Variants in MROH9 observed in about 807,000 individuals in gnomAD.
MROH9 encodes the protein maestro heat like repeat family member 9, also known as maestro heat-like repeat-containing protein family member 9.
Under a neutral mutation model 98.2 loss-of-function variants are expected in MROH9, and 92 were observed. That is an observed-to-expected ratio of 0.94 (90% confidence interval 0.79 to 1.11). The LOEUF is 1.11. MROH9 is among the 50% of genes most tolerant of loss of function. MROH9 has a pLI of 0.00. For missense variants in MROH9, 1,057 were observed against 1,014.8 expected, an observed-to-expected ratio of 1.04 and a Z score of -0.57; for synonymous variants, 397 against 368.9, an observed-to-expected ratio of 1.08 and a Z score of -0.87.
chr1:170,996,359 A>T, intron 13 of MROH9, 148 bp from the exon 14 acceptor site: 2 of 803,392 alleles, frequency 2.5e-6, no homozygotes, highest in Non-Finnish European at 3.9e-6. Flanking sequence ...GGGAAGATGA[A>T]GGACATTTAG....
intron 6 of MROH9, 97 bp downstream of exon 6, chr1:170,962,073 A>G: frequency 1.5e-6 from 1 of 665,450 alleles, no homozygotes; most frequent in Admixed American, 4.0e-5. Flanking sequence ...CATCTCCTTC[A>G]AGTATTTGAT....
At position 170,996,940 on chromosome 1, in the gene MROH9, T is replaced by C. The variant is rs192435272; in HGVS notation, c.1475+296T>C. On this transcript the variant is annotated intron_variant, in intron 14 of 21. Transcript: ENST00000367759. ...GAAAACTAGAAGTGAGTTTGGTTTT[T>C]TCCCTCTGATTTTAGCTGATTCCTG... Among the ~76,000 whole-genome samples the C allele has an allele frequency of 2.1e-3, 326 of 152,304 alleles. 3 individuals are homozygous for C. The highest frequency in any genetic ancestry group is 9.0e-4 in the Non-Finnish European group (61 of 68,022).
At position 170,992,346 on chromosome 1, in the gene MROH9, G is replaced by A. The variant is rs1159115778; in HGVS notation, c.1194+17G>A. On this transcript the variant is annotated intron_variant, in intron 12 of 21. Transcript: ENST00000367759. The stretch of plus-strand genomic sequence containing the variant: ...CCTTTGGCGGTAAATAACACGATGA[G>A]TGTTTCTTCTTCTCAGTACTGTTTT... The A allele has an allele frequency of 3.1e-6, 5 of 1,608,410 alleles. No homozygotes were observed. In the African/African-American group the frequency reaches 4.0e-5, roughly 13 times the overall value.
intron 7 of MROH9, among the ~76,000 whole-genome samples, chr1:170,967,950 C>T (rs1056974056): frequency 7.2e-5 from 11 of 152,104 alleles, no homozygotes; most frequent in African/African-American, 2.4e-4. Flanking sequence ...CCAGAGTCCC[C>T]ACAAAATGAT....
At position 170,950,547 on chromosome 1, in the gene MROH9, G is replaced by A. The variant is rs192677503; in HGVS notation, c.72+2974G>A. The stretch of plus-strand genomic sequence containing the variant: ...TTATATCTGCATATTCTATTGCTAG[G>A]AGAATGCACAGGAAAGCAGTAACAA... On this transcript the variant is annotated intron_variant, in intron 3 of 21. Coordinates refer to ENST00000367759, the MANE Select transcript of MROH9 (RefSeq NM_001163629.2). Among the ~76,000 whole-genome samples, 5 of 152,176 alleles carry A rather than the reference G, an allele frequency of 3.3e-5. No individual in the cohort carries two copies. In the East Asian group the frequency reaches 9.7e-4, roughly 29 times the overall value.
intron 7 of MROH9, among the ~76,000 whole-genome samples, chr1:170,971,452 C>T (rs1029941404): frequency 2.0e-5 from 3 of 152,156 alleles, no homozygotes; most frequent in African/African-American, 7.2e-5. Flanking sequence ...GGCATAGAAA[C>T]TAACATTAGT....
Position 171,021,025 on chromosome 1 carries a change from A to G in MROH9, c.1909-3370A>G, listed in dbSNP as rs560337042. Among the ~76,000 whole-genome samples the G allele has an allele frequency of 4.1e-4, 63 of 152,320 alleles. 1 individual carries two copies. The highest frequency in any genetic ancestry group is 1.5e-3 in the African/African-American group (62 of 41,572). On this transcript the variant is annotated intron_variant, in intron 17 of 21. Coordinates refer to ENST00000367759, the MANE Select transcript of MROH9 (RefSeq NM_001163629.2). ...CTCATTCGCAATTGCTACAAAGAGAATAAAATACCTAGGAATACAGCTAAC... is the reference window on the plus strand; with the variant it reads ...CTCATTCGCAATTGCTACAAAGAGAGTAAAATACCTAGGAATACAGCTAAC...
intron 20 of MROH9, among the ~76,000 whole-genome samples, chr1:171,056,117 G>A (rs984870587): frequency 2.6e-5 from 4 of 152,214 alleles, no homozygotes; most frequent in Non-Finnish European, 5.9e-5. Flanking sequence ...AGCCTGCCGA[G>A]CCCCTGGGGA....
chr1:171,037,681 G>A (rs954182009), intron 20 of MROH9, among the ~76,000 whole-genome samples: 1 of 151,824 alleles, frequency 6.6e-6, no homozygotes, highest in Admixed American at 6.6e-5. Flanking sequence ...AATGACAGAG[G>A]ACTAGCCCTA....
intron 15 of MROH9, among the ~76,000 whole-genome samples, chr1:171,008,002 A>G (rs1441973159): frequency 6.6e-6 from 1 of 152,168 alleles, no homozygotes; most frequent in East Asian, 1.9e-4. Context: ...TAAATCCCAA[A>G]AAGTCCCCAG....
intron 14 of MROH9, among the ~76,000 whole-genome samples, 177 bp from the exon 15 acceptor site, chr1:170,997,977 T>A (rs889960508): frequency 6.6e-6 from 1 of 152,180 alleles, no homozygotes; most frequent in Non-Finnish European, 1.5e-5. Context: ...AGGGATCCAG[T>A]TATATGTAAT....
intron 7 of MROH9, 122 bp downstream of exon 7, chr1:170,965,377 T>C: frequency 1.6e-6 from 1 of 616,718 alleles, no homozygotes; most frequent in Non-Finnish European, 2.8e-6. Flanking sequence ...ACTGGTAGGT[T>C]GGTTGGGATA....
At chr1:171,046,674 G>A (rs1160836279) in intron 20 of MROH9, among the ~76,000 whole-genome samples, 2 of 152,036 alleles carry the variant, frequency 1.3e-5, no homozygotes, top group Non-Finnish European at 2.9e-5. Flanking sequence ...TAGTCTTTCT[G>A]CTTAGGATAA....
chr1:170,994,539 A>G (rs912788984), intron 12 of MROH9, among the ~76,000 whole-genome samples: 1 of 152,130 alleles, frequency 6.6e-6, no homozygotes, highest in African/African-American at 2.4e-5. Context: ...ATACCAGCAT[A>G]TAATATAAAA....
At chr1:170,970,881 T>C (rs1419130616) in intron 7 of MROH9, among the ~76,000 whole-genome samples, 1 of 152,060 alleles carries the variant, frequency 6.6e-6, no homozygotes, top group African/African-American at 2.4e-5. Context: ...GAGTTTACCA[T>C]CAACAATTGC....
At chr1:170,997,592 C>T (rs778698366) in intron 14 of MROH9, among the ~76,000 whole-genome samples, 11 of 152,116 alleles carry the variant, frequency 7.2e-5, no homozygotes, top group Non-Finnish European at 1.3e-4. Context: ...TGGAAACTTC[C>T]TCATGTTATC....
intron 3 of MROH9, among the ~76,000 whole-genome samples, chr1:170,952,484 G>C (rs527793650): frequency 0.041 from 6,190 of 151,590 alleles, 381 homozygotes; most frequent in African/African-American, 0.13. Context: ...ATCATTCTCA[G>C]CAAACTATCG....
chr1:171,056,115 G>A (rs1323943438), intron 20 of MROH9, among the ~76,000 whole-genome samples: 1 of 152,280 alleles, frequency 6.6e-6, no homozygotes, highest in African/African-American at 2.4e-5. Context: ...TAAGCCTGCC[G>A]AGCCCCTGGG....
At chr1:170,966,473 G>C (rs1363801590) in intron 7 of MROH9, among the ~76,000 whole-genome samples, 15 of 152,176 alleles carry the variant, frequency 9.9e-5, no homozygotes, top group African/African-American at 3.6e-4. Context: ...TTCAGGAGGA[G>C]ATAAAAGTAA....
Sources: allele counts gnomAD v4.1 joint callset (sites outside exome capture counted in the v4.1 genomes callset), GRCh38; gene constraint gnomAD v4.1.1; transcripts MANE v1.5; gene names NCBI Gene and HGNC (gene_info 2026-07-23, HGNC 2026-07-21).